The following SHQ1 variants were observed in gnomAD, a reference collection of about 807,000 sequenced individuals.
The protein encoded by SHQ1 is SHQ1, H/ACA ribonucleoprotein assembly factor.
Under a neutral mutation model 53.8 loss-of-function variants are expected in SHQ1, and 49 were observed. The ratio of observed to expected loss-of-function variants is 0.91; its 90% CI spans 0.72 to 1.16. The LOEUF (loss-of-function observed/expected upper bound fraction) is 1.16. Among genes scored for constraint, SHQ1 ranks in the 50% most tolerant of loss-of-function variants. SHQ1 has a pLI of 0.00. For missense variants in SHQ1, 738 were observed against 683.1 expected (o/e 1.08, Z -0.90); for synonymous variants, 243 against 251.0 (o/e 0.97, Z 0.30).
In SHQ1 at chr3:72,843,094, T is replaced by G. The variant is rs542874196; in HGVS notation, c.209-692A>C. 5.1e-4 allele frequency among the ~76,000 whole-genome samples: 76 copies of G among 150,024 alleles called. 2 individuals are homozygous for G. In the South Asian group the frequency reaches 0.015, roughly 29 times the overall value. On this transcript the variant is annotated intron_variant, in intron 2 of 10. Transcript: ENST00000325599. ...TCTGTCTCAAAAAAAAAAAAAAAAATTATTTATCTGTGAAAGCTACAGAAT... is the reference window on the plus strand; with the variant it reads ...TCTGTCTCAAAAAAAAAAAAAAAAAGTATTTATCTGTGAAAGCTACAGAAT...
intron 9 of SHQ1, chr3:72,795,591 T>C (rs1236520322): frequency 6.6e-6 from 1 of 152,206 alleles, no homozygotes; most frequent in African/African-American, 2.4e-5. Flanking sequence ...AACTAATTTC[T>C]TTCTTGCTTT....
chr3:72,751,311 A>AG (rs1017449943), intron 10 of SHQ1, among the ~76,000 whole-genome samples: 2 of 151,654 alleles, frequency 1.3e-5, no homozygotes, highest in African/African-American at 2.4e-5. Context: ...ACTTGGGTGG[A>AG]GGGGGGGCTG....
At chr3:72,813,995 A>C (rs1027383912) in intron 8 of SHQ1, among the ~76,000 whole-genome samples, 1 of 152,014 alleles carries the variant, frequency 6.6e-6, no homozygotes, top group Non-Finnish European at 1.5e-5. Context: ...ACTAAACAAA[A>C]GAAAATTTCC....
chr3:72,741,006 C>T, the SHQ1 span, among the ~76,000 whole-genome samples: 1 of 152,214 alleles, frequency 6.6e-6, no homozygotes, highest in Non-Finnish European at 1.5e-5. Context: ...TTTCCGGGAG[C>T]AGGACTTGGA....
intron 10 of SHQ1, among the ~76,000 whole-genome samples, chr3:72,785,369 C>T (rs1041709416): frequency 3.3e-5 from 5 of 152,162 alleles, no homozygotes; most frequent in African/African-American, 7.2e-5. Context: ...AGTCATGAGC[C>T]GTGCTCCTGT....
chr3:72,798,287 G>C (rs1249526611), intron 9 of SHQ1, among the ~76,000 whole-genome samples: 1 of 152,176 alleles, frequency 6.6e-6, no homozygotes, highest in African/African-American at 2.4e-5. Context: ...AATCCCAAGA[G>C]TTAGGGATTC....
intron 9 of SHQ1, chr3:72,794,883 A>C (rs1706556129): frequency 1.3e-5 from 2 of 152,236 alleles, no homozygotes; most frequent in African/African-American, 4.8e-5. Flanking sequence ...AAATGGGGAA[A>C]GTCCTCCCCA....
intron 3 of SHQ1, 106 bp downstream of exon 3, chr3:72,842,174 T>G (rs913386476): frequency 1.6e-6 from 2 of 1,262,834 alleles, no homozygotes; most frequent in Non-Finnish European, 2.2e-6. Flanking sequence ...ATACCTGAAG[T>G]ATTTTCTTCA....
Position 72,840,550 on chromosome 3 carries a change from G to A in SHQ1, c.486+495C>T, listed in dbSNP as rs1408641768. On this transcript the variant is annotated intron_variant, in intron 4 of 10. Coordinates refer to ENST00000325599, the MANE Select transcript of SHQ1 (RefSeq NM_018130.3). ...CACTCCAGCCTTGGCGACAGGGTAA[G>A]ACTCCGTCTCAAAAAAAAAAAAAAA... is the stretch of plus-strand genomic sequence containing the variant. Among the ~76,000 whole-genome samples, 107 of 135,938 alleles carry A rather than the reference G, an allele frequency of 7.9e-4. 1 individual carries two copies. The highest frequency in any genetic ancestry group is 9.3e-4 in the Non-Finnish European group (61 of 65,528). The allele number at this position is 135,938 out of a possible 152,430, so 89.2% of individuals were successfully genotyped here.
chr3:72,800,037 C>G (rs955727929), intron 9 of SHQ1, among the ~76,000 whole-genome samples: 4 of 152,088 alleles, frequency 2.6e-5, no homozygotes, highest in African/African-American at 9.7e-5. Context: ...AAAGTTAATC[C>G]CCAATGCAAC....
At position 72,833,582 on chromosome 3, in the gene SHQ1, G is replaced by A. The variant is rs76436103; in HGVS notation, c.487-1101C>T. The stretch of plus-strand genomic sequence containing the variant: ...ATAGATAGATAGATAGAATTTTTAC[G>A]GGCAATTTTGATGCACAGTATATGA... On this transcript the variant is annotated intron_variant, in intron 4 of 10. Transcript: ENST00000325599. 5.9e-3 allele frequency among the ~76,000 whole-genome samples: 879 copies of A among 148,210 alleles called. 11 individuals carry two copies. The highest frequency in any genetic ancestry group is 0.021 in the African/African-American group (843 of 40,694).
At chr3:72,790,758 T>G (rs1285832355) in intron 10 of SHQ1, among the ~76,000 whole-genome samples, 3 of 152,192 alleles carry the variant, frequency 2.0e-5, no homozygotes, top group Non-Finnish European at 4.4e-5. Flanking sequence ...GGGCTACAGT[T>G]AAAATTTAAC....
At chr3:72,793,348 A>G (rs1179806898) in intron 9 of SHQ1, 2 of 175,948 alleles carry the variant, frequency 1.1e-5, no homozygotes, top group Non-Finnish European at 2.4e-5. Flanking sequence ...TCTACTAAAA[A>G]TACAAAAAAT....
the SHQ1 span, among the ~76,000 whole-genome samples, chr3:72,742,246 C>A: frequency 6.7e-6 from 1 of 150,114 alleles, no homozygotes; most frequent in Non-Finnish European, 1.5e-5. Context: ...ACGAAATAAA[C>A]TATGCTGCTA....
chr3:72,752,992 A>G, intron 10 of SHQ1: 1 of 985,404 alleles, frequency 1.0e-6, no homozygotes, highest in Non-Finnish European at 1.2e-6. Context: ...ATTACCTGCT[A>G]GATTTATAAT....
At chr3:72,784,338 T>C (rs1288761754) in intron 10 of SHQ1, among the ~76,000 whole-genome samples, 2 of 152,212 alleles carry the variant, frequency 1.3e-5, no homozygotes, top group East Asian at 1.9e-4. Flanking sequence ...TATTGGCACA[T>C]TTCTTGTAAG....
chr3:72,824,040 T>TC (rs1168585716), intron 6 of SHQ1, among the ~76,000 whole-genome samples: 1 of 152,094 alleles, frequency 6.6e-6, no homozygotes, highest in Non-Finnish European at 1.5e-5. Flanking sequence ...ACTTGGGTCT[T>TC]CCCCCCGCCC....
At chr3:72,820,184 C>T (rs1403324133) in intron 6 of SHQ1, among the ~76,000 whole-genome samples, 11 of 152,162 alleles carry the variant, frequency 7.2e-5, no homozygotes, top group Non-Finnish European at 1.6e-4. Flanking sequence ...TACCTATCGA[C>T]GTTTATCCAT....
chr3:72,816,792 T>C (rs1707334118), intron 7 of SHQ1, among the ~76,000 whole-genome samples: 1 of 152,176 alleles, frequency 6.6e-6, no homozygotes, highest in Non-Finnish European at 1.5e-5. Flanking sequence ...TGCAGGTAAA[T>C]ACTAAGATTT....
Sources: gnomAD v4.1 joint callset for allele counts (sites outside exome capture counted in the v4.1 genomes callset) on GRCh38, gnomAD v4.1.1 for gene constraint, MANE v1.5 for transcripts, NCBI Gene and HGNC (gene_info 2026-07-23, HGNC 2026-07-21) for gene names.